Variants in NT5C2 observed in about 807,000 individuals in gnomAD.
The protein encoded by NT5C2 is cytosolic purine 5'-nucleotidase.
A neutral mutation model predicts 76.1 loss-of-function variants in NT5C2; 58 were observed. The observed-to-expected ratio is 0.76, with a 90% CI of 0.62 to 0.95. The LOEUF is 0.95. NT5C2 is among the 40% of genes least tolerant of loss of function. The pLI, the probability that NT5C2 is intolerant of heterozygous loss-of-function variation, is 0.00. For synonymous variants in NT5C2, 229 were observed against 237.4 expected (o/e 0.96, Z 0.32); for missense variants, 478 against 690.3 (o/e 0.69, Z 3.45).
chr10:103,093,041 C>G (rs2067313057), intron 15 of NT5C2, 98 bp downstream of exon 15: 1 of 1,079,592 alleles, frequency 9.3e-7, no homozygotes, highest in Non-Finnish European at 1.3e-6. Context: ...TTGACCACCT[C>G]TGACTTCCTG....
At chr10:103,110,530 C>T (rs2072732889) in intron 4 of NT5C2, among the ~76,000 whole-genome samples, 1 of 152,184 alleles carries the variant, frequency 6.6e-6, no homozygotes, top group Non-Finnish European at 1.5e-5. Flanking sequence ...TTCTAGATTA[C>T]ATAAGCCATC....
At chr10:103,160,928 T>C (rs1365246385) in intron 3 of NT5C2, among the ~76,000 whole-genome samples, 1 of 151,956 alleles carries the variant, frequency 6.6e-6, no homozygotes, top group Non-Finnish European at 1.5e-5. Context: ...GAGAATCACT[T>C]GAACCCGGGA....
At chr10:103,141,008 T>A (rs890379854) in intron 3 of NT5C2, among the ~76,000 whole-genome samples, 1 of 152,220 alleles carries the variant, frequency 6.6e-6, no homozygotes, top group African/African-American at 2.4e-5. Context: ...GCAGAAGCTT[T>A]TTAGTTTGAG....
chr10:103,178,593 G>A (rs1384944455), intron 2 of NT5C2, among the ~76,000 whole-genome samples: 3 of 152,070 alleles, frequency 2.0e-5, no homozygotes, highest in Non-Finnish European at 2.9e-5. Flanking sequence ...AGCACTTTGG[G>A]AGGCTAAGGA....
At chr10:103,114,372 G>C (rs550295652) in intron 4 of NT5C2, among the ~76,000 whole-genome samples, 1 of 152,048 alleles carries the variant, frequency 6.6e-6, no homozygotes, top group African/African-American at 2.4e-5. Flanking sequence ...TCACGCCACT[G>C]CACTCCAGCC....
Position 103,089,197 on chromosome 10 carries a change from A to T in NT5C2, c.*475T>A. ...AAAACTTGACCTTAACAGAGACTAC[A>T]TTTGATCATGGAAATAATACATTTC... is the stretch of plus-strand genomic sequence containing the variant. On this transcript the variant is annotated 3_prime_UTR_variant, in exon 19 of 19. Coordinates refer to ENST00000404739, the MANE Select transcript of NT5C2 (RefSeq NM_001351169.2). 1 of 223,162 alleles carries T rather than the reference A, an allele frequency of 4.5e-6. No individual in the cohort carries two copies. The highest frequency in any genetic ancestry group is 8.9e-6 in the Non-Finnish European group (1 of 111,824). 13.8% of individuals were successfully genotyped at this position (223,162 alleles called of 1,614,324 possible).
intron 4 of NT5C2, among the ~76,000 whole-genome samples, chr10:103,115,350 C>T (rs183574140): frequency 6.6e-6 from 1 of 152,078 alleles, no homozygotes; most frequent in East Asian, 1.9e-4. Context: ...TGCAGTGAGT[C>T]GAGATTGTGC....
At chr10:103,144,476 T>G (rs1048193219) in intron 3 of NT5C2, among the ~76,000 whole-genome samples, 5 of 152,230 alleles carry the variant, frequency 3.3e-5, no homozygotes, top group Non-Finnish European at 7.3e-5. Flanking sequence ...AGTACCAGCT[T>G]CTTTCTTTGT....
chr10:103,096,066 C>T (rs1052648797), intron 11 of NT5C2, 86 bp from the exon 12 acceptor site: 2 of 1,017,258 alleles, frequency 2.0e-6, no homozygotes, highest in African/African-American at 3.2e-5. Context: ...TTTCACAAAA[C>T]ATGTCTTTTT....
rs67395221 is a variant in NT5C2 at position 103,143,602 on chromosome 10, A to ATTT, written c.102-4126_102-4124dup. On this transcript the variant is annotated intron_variant, in intron 3 of 18. Transcript: ENST00000404739. ...CAGGTACGCACCACCATGTCCAGCT[A>ATTT]TTTTTTTTTTTTTTTTTTTTTTTTT... 6.9e-4 allele frequency among the ~76,000 whole-genome samples: 37 copies of ATTT among 53,856 alleles called. 3 individuals carry two copies. The highest frequency in any genetic ancestry group is 4.1e-3 in the East Asian group (8 of 1,932). 35.3% of individuals were successfully genotyped at this position (53,856 alleles called of 152,430 possible).
rs1027571475 is a variant in NT5C2 at position 103,099,929 on chromosome 10, G to A, written c.630C>T (p.Tyr210=). The change falls in exon 9 of 19, where the codon TAC becomes TAT. Residue 210 remains tyrosine, a synonymous_variant. Coordinates refer to ENST00000404739, the MANE Select transcript of NT5C2 (RefSeq NM_001351169.2). ...DVRDAVDWVH[Y]KGSLKEKTVE... ...TGAAGAAACAGCTTCTAGGTACCTT[G>A]TAATGAACCCAGTCAACAGCATCTC... is the stretch of plus-strand genomic sequence containing the variant. 4 of 1,602,966 alleles carry A rather than the reference G, an allele frequency of 2.5e-6. No homozygotes were observed. Among genetic ancestry groups the A allele is most frequent in the East Asian group, 4.5e-5 (2 of 44,808 alleles).
chr10:103,106,558 G>T, intron 5 of NT5C2, 31 bp downstream of exon 5: 1 of 1,380,162 alleles, frequency 7.2e-7, no homozygotes, highest in Non-Finnish European at 1.0e-6. Context: ...TCTTAATCTA[G>T]TCTTAATCCA....
intron 4 of NT5C2, among the ~76,000 whole-genome samples, chr10:103,129,074 T>TG (rs1226281105): frequency 2.0e-4 from 20 of 101,464 alleles, no homozygotes; most frequent in African/African-American, 5.8e-4. Flanking sequence ...GGGAGGGAGG[T>TG]GGGGGGGTCA....
intron 10 of NT5C2, chr10:103,098,440 G>A (rs1470106311): frequency 5.2e-6 from 1 of 191,958 alleles, no homozygotes; most frequent in Non-Finnish European, 1.1e-5. Context: ...ATCTAGTGCA[G>A]TAGTTATGAT....
intron 3 of NT5C2, among the ~76,000 whole-genome samples, chr10:103,167,517 T>C (rs1229965713): frequency 1.3e-5 from 2 of 152,074 alleles, no homozygotes; most frequent in African/African-American, 4.8e-5. Context: ...TCATATGATA[T>C]CCATAAGTGA....
intron 3 of NT5C2, among the ~76,000 whole-genome samples, chr10:103,145,178 T>C (rs1176142107): frequency 2.0e-5 from 3 of 152,272 alleles, no homozygotes; most frequent in Non-Finnish European, 4.4e-5. Flanking sequence ...GGCTATATAT[T>C]CCACAGTTTA....
At chr10:103,171,056 T>C (rs2087853292) in intron 3 of NT5C2, among the ~76,000 whole-genome samples, 1 of 152,156 alleles carries the variant, frequency 6.6e-6, no homozygotes, top group South Asian at 2.1e-4. Flanking sequence ...TAACACGCCA[T>C]ACCTAGCAAC....
At chr10:103,116,849 A>G (rs2074482899) in intron 4 of NT5C2, among the ~76,000 whole-genome samples, 1 of 152,020 alleles carries the variant, frequency 6.6e-6, no homozygotes, top group South Asian at 2.1e-4. Context: ...CACTGCAATT[A>G]CAGTCATGAA....
chr10:103,115,631 T>A (rs1160605636), intron 4 of NT5C2, among the ~76,000 whole-genome samples: 1 of 152,208 alleles, frequency 6.6e-6, no homozygotes, highest in African/African-American at 2.4e-5. Flanking sequence ...TATTAAGCAA[T>A]CTTTTAAATT....
Sources: gnomAD v4.1 joint callset for allele counts (sites outside exome capture counted in the v4.1 genomes callset) on GRCh38, gnomAD v4.1.1 for gene constraint, MANE v1.5 for transcripts, NCBI Gene and HGNC (gene_info 2026-07-23, HGNC 2026-07-21) for gene names.